Variants in SLC10A7 observed in about 807,000 individuals in gnomAD.
The protein encoded by SLC10A7 is sodium/bile acid cotransporter 7.
A neutral mutation model predicts 43.2 loss-of-function variants in SLC10A7; 29 were observed. That is an observed-to-expected ratio of 0.67 (90% CI 0.50 to 0.92). SLC10A7 has a LOEUF of 0.92. SLC10A7 is among the 40% of genes least tolerant of loss of function. SLC10A7 has a pLI of 0.00. For missense variants in SLC10A7, 295 were observed against 403.2 expected, an observed-to-expected ratio of 0.73 and a Z score of 2.30; for synonymous variants, 152 against 144.8, an observed-to-expected ratio of 1.05 and a Z score of -0.35.
At chr4:146,418,490 A>G (rs1728730335) in intron 5 of SLC10A7, among the ~76,000 whole-genome samples, 1 of 152,008 alleles carries the variant, frequency 6.6e-6, no homozygotes, top group Non-Finnish European at 1.5e-5. Context: ...TTTTAGCCTA[A>G]AAGCTACATT....
intron 4 of SLC10A7, among the ~76,000 whole-genome samples, chr4:146,444,147 A>G (rs965576363): frequency 2.0e-5 from 3 of 152,242 alleles, no homozygotes; most frequent in African/African-American, 7.2e-5. Context: ...AGTTTTATGT[A>G]TGGGGAAAAA....
At chr4:146,388,224 C>T (rs549882537) in intron 5 of SLC10A7, among the ~76,000 whole-genome samples, 2 of 152,046 alleles carry the variant, frequency 1.3e-5, no homozygotes, top group African/African-American at 2.4e-5. Flanking sequence ...TAAAAACAGA[C>T]AAATAGATCA....
intron 5 of SLC10A7, among the ~76,000 whole-genome samples, chr4:146,397,709 T>C (rs901125038): frequency 2.4e-4 from 37 of 152,282 alleles, no homozygotes; most frequent in African/African-American, 8.7e-4. Context: ...AAACATTAAG[T>C]CTGCAAGTTG....
intron 7 of SLC10A7, among the ~76,000 whole-genome samples, chr4:146,296,963 T>C (rs551213608): frequency 6.6e-6 from 1 of 152,302 alleles, no homozygotes; most frequent in East Asian, 1.9e-4. Flanking sequence ...TTCTTTGCCT[T>C]ATAGAAATCT....
intron 6 of SLC10A7, among the ~76,000 whole-genome samples, chr4:146,309,490 T>C (rs533078813): frequency 5.9e-5 from 9 of 152,240 alleles, no homozygotes; most frequent in African/African-American, 2.2e-4. Context: ...GTGGTGAGAA[T>C]TGGTATTTTT....
At chr4:146,410,047 T>A (rs1376519901) in intron 5 of SLC10A7, among the ~76,000 whole-genome samples, 2 of 152,180 alleles carry the variant, frequency 1.3e-5, no homozygotes, top group Non-Finnish European at 2.9e-5. Flanking sequence ...CATTTAATAA[T>A]CACAAAGTAT....
chr4:146,494,958 C>T (rs963042773), intron 4 of SLC10A7, among the ~76,000 whole-genome samples: 6 of 152,128 alleles, frequency 3.9e-5, no homozygotes, highest in Non-Finnish European at 7.4e-5. Context: ...CAAATACAGT[C>T]AACTCTTTCT....
chr4:146,309,663 A>G (rs10213552), intron 6 of SLC10A7, among the ~76,000 whole-genome samples: 109,706 of 152,038 alleles, frequency 0.72, 40,035 homozygotes, highest in African/African-American at 0.81. Context: ...CATTCTTCCA[A>G]CTTCATTCAG....
intron 4 of SLC10A7, among the ~76,000 whole-genome samples, chr4:146,491,714 A>C: frequency 6.7e-6 from 1 of 149,386 alleles, no homozygotes; most frequent in Non-Finnish European, 1.5e-5. Context: ...GAAGGAAGGA[A>C]GGAAGGAAGG....
rs1225251372 is a variant in SLC10A7, at chr4:146,350,465, G to A, written c.436-24469C>T. ...CAGCGAGGCTGGGGGAGGGGCGCCC[G>A]CCATTGCCCAGGCTTGCTTAGGTAA... On this transcript the variant is annotated intron_variant, in intron 5 of 11. Transcript: ENST00000335472. 1.6e-4 allele frequency among the ~76,000 whole-genome samples: 22 copies of A among 140,988 alleles called. 2 individuals are homozygous for A. The highest frequency in any genetic ancestry group is 2.3e-4 in the Non-Finnish European group (15 of 64,830). The allele number at this position is 140,988 out of a possible 152,430, so 92.5% of individuals were successfully genotyped here.
chr4:146,296,895 T>G (rs1190855342), intron 7 of SLC10A7, among the ~76,000 whole-genome samples: 1 of 152,174 alleles, frequency 6.6e-6, no homozygotes, highest in African/African-American at 2.4e-5. Context: ...CACTTACACT[T>G]TTGATATAAT....
chr4:146,472,127 G>C (rs576108200), intron 4 of SLC10A7, among the ~76,000 whole-genome samples: 30 of 152,056 alleles, frequency 2.0e-4, no homozygotes, highest in Non-Finnish European at 4.3e-4. Context: ...ATAACTGAGG[G>C]ACAAACATTA....
Position 146,518,460 on chromosome 4 carries a change from T to A in SLC10A7, c.101-1340A>T, listed in dbSNP as rs147548212. ...GTTCAAAATGTCAATGTGCCAAGGC[T>A]GAGAAATCTTGGTACATGGCAACAT... is the stretch of plus-strand genomic sequence containing the variant. On this transcript the variant is annotated intron_variant, in intron 1 of 11. Coordinates refer to ENST00000335472, the MANE Select transcript of SLC10A7 (RefSeq NM_001029998.6). Among the ~76,000 whole-genome samples, 22 of 152,258 alleles carry A rather than the reference T, an allele frequency of 1.4e-4. No individual in the cohort carries two copies. In the East Asian group the frequency reaches 3.7e-3, roughly 25 times the overall value.
At chr4:146,300,603 T>C (rs1295971623) in intron 7 of SLC10A7, among the ~76,000 whole-genome samples, 1 of 152,210 alleles carries the variant, frequency 6.6e-6, no homozygotes, top group African/African-American at 2.4e-5. Context: ...ACTTATATAA[T>C]AACATCTACT....
chr4:146,348,270 A>C (rs923536332), intron 5 of SLC10A7, among the ~76,000 whole-genome samples: 2 of 152,214 alleles, frequency 1.3e-5, no homozygotes, highest in Admixed American at 1.3e-4. Context: ...TGGGAGCACA[A>C]GGACTATAAA....
intron 5 of SLC10A7, among the ~76,000 whole-genome samples, chr4:146,378,618 A>T (rs1737378040): frequency 6.6e-6 from 1 of 152,248 alleles, no homozygotes; most frequent in Non-Finnish European, 1.5e-5. Flanking sequence ...AGATTTTACG[A>T]CATGTCTATT....
chr4:146,333,950 A>T (rs1300626999), intron 5 of SLC10A7, among the ~76,000 whole-genome samples: 3 of 152,162 alleles, frequency 2.0e-5, no homozygotes, highest in Admixed American at 6.5e-5. Flanking sequence ...CTTAGTCATC[A>T]AGATGGACCA....
At position 146,451,098 on chromosome 4, in the gene SLC10A7, A is replaced by C. The variant is rs1040775384; in HGVS notation, c.397-8277T>G. Among the ~76,000 whole-genome samples, 7 of 151,822 alleles carry C rather than the reference A, an allele frequency of 4.6e-5. No individual in the cohort carries two copies. The East Asian group carries it at 1.2e-3, about 25-fold the overall frequency. On this transcript the variant is annotated intron_variant, in intron 4 of 11. Coordinates refer to ENST00000335472, the MANE Select transcript of SLC10A7 (RefSeq NM_001029998.6). ...CACTTTTAGAAGAAAATATGAAACT[A>C]TCTTTATGCCCTCAGAAAGAAAAGC...
intron 4 of SLC10A7, among the ~76,000 whole-genome samples, chr4:146,491,531 G>C (rs1021557057): frequency 4.6e-5 from 7 of 151,958 alleles, no homozygotes; most frequent in African/African-American, 1.7e-4. Flanking sequence ...AAAAGAAAAG[G>C]AAAAAGATGG....
Sources: gnomAD v4.1 joint callset for allele counts (sites outside exome capture counted in the v4.1 genomes callset) on GRCh38, gnomAD v4.1.1 for gene constraint, MANE v1.5 for transcripts, NCBI Gene and HGNC (gene_info 2026-07-23, HGNC 2026-07-21) for gene names.